The following USH2A variants were observed in gnomAD, a reference collection of about 807,000 sequenced individuals.
USH2A encodes the protein usherin.
A neutral mutation model predicts 538.9 loss-of-function variants in USH2A; 443 were observed. The ratio of observed to expected loss-of-function variants is 0.82; its 90% CI spans 0.76 to 0.89. The LOEUF is 0.89. Among genes scored for constraint, USH2A ranks in the 40% least tolerant of loss-of-function variants. The pLI, the probability that USH2A is intolerant of heterozygous loss-of-function variation, is 0.00. For synonymous variants in USH2A, 2,413 were observed against 2,273.5 expected, an observed-to-expected ratio of 1.06 and a Z score of -1.75; for missense variants, 6,633 against 6,324.8, an observed-to-expected ratio of 1.05 and a Z score of -1.65.
In USH2A at chr1:216,292,280, T is replaced by C; in HGVS notation, c.1735A>G (p.Ser579Gly). 1 of 1,614,100 alleles carries C rather than the reference T, an allele frequency of 6.2e-7. No homozygotes were observed. Among genetic ancestry groups the C allele is most frequent in the Non-Finnish European group, 8.5e-7 (1 of 1,179,980 alleles). The change falls in exon 10 of 72, where the codon AGC (serine) becomes GGC (glycine). Residue 579 changes from serine (S) to glycine (G), a missense_variant. Ser to Gly is a moderately conservative substitution (Grantham distance 56). Coordinates refer to ENST00000307340, the MANE Select transcript of USH2A (RefSeq NM_206933.4). The stretch of plus-strand genomic sequence containing the variant: ...TTGTAATGGCAGCTTTTGGAATGGC[T>C]GTTGCATTGACAAGGTTTACAATTG... ...AFNCKPCQCNSHSKSCHYNIS... is the reference protein window; with the variant it reads ...AFNCKPCQCNGHSKSCHYNIS...
intron 5 of USH2A, among the ~76,000 whole-genome samples, chr1:216,327,057 C>A (rs2037748461): frequency 6.6e-6 from 1 of 152,120 alleles, no homozygotes; most frequent in South Asian, 2.1e-4. Context: ...TAAAGCTAGC[C>A]TGAGTCTATA....
intron 61 of USH2A, among the ~76,000 whole-genome samples, chr1:215,685,029 T>C (rs1371087225): frequency 1.3e-5 from 2 of 152,124 alleles, no homozygotes; most frequent in Non-Finnish European, 2.9e-5. Flanking sequence ...TGATTATACC[T>C]GAGACCTAGA....
intron 49 of USH2A, among the ~76,000 whole-genome samples, chr1:215,811,654 T>C (rs1404706452): frequency 6.6e-6 from 1 of 152,062 alleles, no homozygotes; most frequent in African/African-American, 2.4e-5. Context: ...ACACCTGTAA[T>C]CCCAGCACTT....
chr1:216,092,105 C>G (rs569674600), intron 22 of USH2A, among the ~76,000 whole-genome samples: 1 of 152,112 alleles, frequency 6.6e-6, no homozygotes, highest in Non-Finnish European at 1.5e-5. Context: ...ACGTTGTAAG[C>G]CAGAAAAATG....
chr1:215,634,571 A>G lies in USH2A; in HGVS notation c.15185T>C (p.Ile5062Thr), dbSNP rs2102630534. 2 of 1,614,130 alleles carry G rather than the reference A, an allele frequency of 1.2e-6. No homozygotes were observed. The highest frequency in any genetic ancestry group is 2.2e-5 in the East Asian group (1 of 44,876). Reference sequence around the variant, plus strand: ...CTCTTTGTGGATTTTTCTTTGTAGTATCAGGGACAGAAAAATGGCCAACAA... The same window carrying G: ...CTCTTTGTGGATTTTTCTTTGTAGTGTCAGGGACAGAAAAATGGCCAACAA... ...LILLAIFLSL[I>T]LQRKIHKEPY... is the part of the protein sequence containing the mutation. The change falls in exon 70 of 72, where the codon ATA becomes ACA. Residue 5062 changes from isoleucine to threonine, a missense_variant. Physicochemically the swap from Ile to Thr is moderately conservative, Grantham distance 89. Coordinates refer to ENST00000307340, the MANE Select transcript of USH2A (RefSeq NM_206933.4).
chr1:215,938,890 T>C (rs1666568572), intron 37 of USH2A, among the ~76,000 whole-genome samples: 1 of 152,102 alleles, frequency 6.6e-6, no homozygotes, highest in Non-Finnish European at 1.5e-5. Context: ...TAAACATTCA[T>C]ATATCTGAAT....
At chr1:215,826,391 CCAAT>C (rs931249348) in intron 47 of USH2A, among the ~76,000 whole-genome samples, 1 of 152,066 alleles carries the variant, frequency 6.6e-6, no homozygotes, top group Non-Finnish European at 1.5e-5. Flanking sequence ...GCATCACTTG[CCAAT>C]GGAGAGCTGT....
At chr1:215,968,141 A>C (rs2102456332) in intron 36 of USH2A, among the ~76,000 whole-genome samples, 1 of 152,326 alleles carries the variant, frequency 6.6e-6, no homozygotes. Flanking sequence ...GCATTCTGTT[A>C]ATTTTTATGT....
chr1:216,015,294 G>C (rs1056622862), intron 32 of USH2A, among the ~76,000 whole-genome samples: 4 of 152,164 alleles, frequency 2.6e-5, no homozygotes, highest in African/African-American at 9.7e-5. Flanking sequence ...GAAAAGCAAT[G>C]AGCTGCGCCA....
At position 215,883,441 on chromosome 1, in the gene USH2A, T is replaced by A. The variant is rs184913943; in HGVS notation, c.8224-4343A>T. Among the ~76,000 whole-genome samples the A allele has an allele frequency of 1.6e-3, 242 of 152,080 alleles. 3 individuals are homozygous for A. The highest frequency in any genetic ancestry group is 0.016 in the Admixed American group (241 of 15,270). On this transcript the variant is annotated intron_variant, in intron 41 of 71. Coordinates refer to ENST00000307340, the MANE Select transcript of USH2A (RefSeq NM_206933.4). ...GCTACATATAGCTATCTTTTTTTTT[T>A]AAGCTACTGAGTTTCTTTTTTTCTT... is the stretch of plus-strand genomic sequence containing the variant.
At chr1:215,732,544 C>CTTTTTTTTTTTTTTTTTTTT (rs141549439) in intron 60 of USH2A, among the ~76,000 whole-genome samples, 3 of 73,558 alleles carry the variant, frequency 4.1e-5, no homozygotes, top group African/African-American at 1.8e-4. Context: ...TTTTTTCTTT[C>CTTTTTTTTTTTTTTTTTTTT]TTTTTTTTTT....
At chr1:215,956,972 A>T (rs1238767094) in intron 37 of USH2A, among the ~76,000 whole-genome samples, 1 of 152,152 alleles carries the variant, frequency 6.6e-6, no homozygotes, top group Non-Finnish European at 1.5e-5. Context: ...ATATCTTATT[A>T]TTGCCCGTTT....
chr1:215,790,421 C>A, intron 50 of USH2A, 139 bp from the exon 51 acceptor site: 1 of 872,736 alleles, frequency 1.1e-6, no homozygotes, highest in Non-Finnish European at 1.8e-6. Context: ...ATTTCCCTAC[C>A]AAGGTGATTT....
At chr1:216,335,731 T>A (rs924440571) in intron 4 of USH2A, among the ~76,000 whole-genome samples, 2 of 151,498 alleles carry the variant, frequency 1.3e-5, no homozygotes, top group African/African-American at 4.8e-5. Context: ...AAGAAGAAAT[T>A]AGCAATCTGA....
chr1:216,031,015 C>G (rs1419512269), intron 32 of USH2A, among the ~76,000 whole-genome samples: 1 of 151,824 alleles, frequency 6.6e-6, no homozygotes, highest in Non-Finnish European at 1.5e-5. Flanking sequence ...TCCAACACAA[C>G]TGGATTCCCC....
At chr1:216,245,924 G>C (rs2036033855) in intron 13 of USH2A, among the ~76,000 whole-genome samples, 1 of 152,078 alleles carries the variant, frequency 6.6e-6, no homozygotes, top group Non-Finnish European at 1.5e-5. Context: ...CAACGGATAA[G>C]TACTTATATT....
intron 21 of USH2A, among the ~76,000 whole-genome samples, chr1:216,140,513 C>T (rs763079078): frequency 2.7e-4 from 41 of 152,152 alleles, no homozygotes; most frequent in Non-Finnish European, 2.5e-4. Flanking sequence ...ATGAGTGCAG[C>T]CATAATAAAG....
intron 44 of USH2A, among the ~76,000 whole-genome samples, chr1:215,856,799 C>T (rs989934878): frequency 1.3e-5 from 2 of 151,548 alleles, no homozygotes; most frequent in Admixed American, 6.6e-5. Flanking sequence ...CCAGCCCAAA[C>T]GCCCATCAAT....
At chr1:215,768,979 T>A (rs1006269537) in intron 55 of USH2A, among the ~76,000 whole-genome samples, 2 of 152,272 alleles carry the variant, frequency 1.3e-5, no homozygotes, top group South Asian at 4.1e-4. Context: ...CCCATAAGGA[T>A]TGCAGGGATA....
Sources: allele counts gnomAD v4.1 joint callset (sites outside exome capture counted in the v4.1 genomes callset), GRCh38; gene constraint gnomAD v4.1.1; transcripts MANE v1.5; gene names NCBI Gene and HGNC (gene_info 2026-07-23, HGNC 2026-07-21).